Variants in GOLGA3 observed in about 807,000 individuals in gnomAD.
GOLGA3 encodes the protein golgin subfamily A member 3.
GOLGA3 carries 75 observed loss-of-function variants against 169.4 expected under a neutral mutation model. The ratio of observed to expected loss-of-function variants is 0.44; its 90% CI spans 0.37 to 0.54. The LOEUF is 0.54. Among genes scored for constraint, GOLGA3 ranks in the 20% least tolerant of loss-of-function variants. The probability of loss-of-function intolerance (pLI) is 0.00; values close to 1 mark genes in which losing one functional copy is unlikely to be tolerated. For missense variants in GOLGA3, 1,899 were observed against 1,930.0 expected, an observed-to-expected ratio of 0.98 and a Z score of 0.30; for synonymous variants, 824 against 822.4, an observed-to-expected ratio of 1.00 and a Z score of -0.03.
intron 18 of GOLGA3, among the ~76,000 whole-genome samples, chr12:132,779,652 C>T (rs1315813247): frequency 6.6e-6 from 1 of 152,174 alleles, no homozygotes; most frequent in African/African-American, 2.4e-5. Context: ...TAGAGACAAC[C>T]AGTTATTTCT....
intron 16 of GOLGA3, among the ~76,000 whole-genome samples, chr12:132,783,481 G>A (rs556227111): frequency 3.3e-5 from 5 of 152,354 alleles, no homozygotes; most frequent in African/African-American, 1.2e-4. Context: ...CTACTGTGAC[G>A]GAGCTCCACA....
Position 132,796,614 on chromosome 12 carries a change from T to C in GOLGA3, c.2025A>G (p.Glu675=), listed in dbSNP as rs761785696. 2.5e-6 allele frequency: 4 copies of C among 1,614,056 alleles called. No individual in the cohort carries two copies. In the Admixed American group the frequency reaches 6.7e-5, roughly 27 times the overall value. Residue 675 remains glutamate (E), a synonymous_variant, in exon 10 of 24, where the codon GAA becomes GAG. Transcript: ENST00000450791. The part of the protein sequence containing the change: ...MVEEDLQRRL[E]EFEGERERLQ... ...GCCGCTCCCTCTCACCTTCAAACTC[T>C]TCCAGCCTCCTCTGAAGGTCCTCCT...
At chr12:132,813,232 C>G in intron 4 of GOLGA3, 75 bp downstream of exon 4, 1 of 966,920 alleles carries the variant, frequency 1.0e-6, no homozygotes, top group Non-Finnish European at 1.7e-6. Context: ...GGCAGGTCCC[C>G]GGGTTATGTG....
Position 132,796,675 on chromosome 12 carries a change from G to A in GOLGA3, c.1964C>T (p.Ala655Val). 1 of 1,614,038 alleles carries A rather than the reference G, an allele frequency of 6.2e-7. No individual in the cohort carries two copies. The highest frequency in any genetic ancestry group is 8.5e-7 in the Non-Finnish European group (1 of 1,180,002). The part of the protein sequence containing the change: ...IEADMLDQEA[A>V]FMQIQEAKTM... ...CTTTGCCTCCTGAATCTGCATGAAG[G>A]CTGCTTCCTGATCCAACATGTCAGC... The change falls in exon 10 of 24, where the codon GCC (alanine) becomes GTC (valine). Residue 655 changes from alanine to valine, a missense_variant. Transcript: ENST00000450791.
chr12:132,805,114 G>A (rs1430775751), intron 6 of GOLGA3, 92 bp from the exon 7 acceptor site: 2 of 1,383,046 alleles, frequency 1.4e-6, no homozygotes, highest in East Asian at 2.5e-5. Flanking sequence ...AGTCAGTCAG[G>A]GCCTGACAGG....
At chr12:132,822,643 AGGCGCGGT>A (rs1486486384) in intron 1 of GOLGA3, among the ~76,000 whole-genome samples, 1 of 152,204 alleles carries the variant, frequency 6.6e-6, no homozygotes, top group Non-Finnish European at 1.5e-5. Flanking sequence ...AATTTGGGCC[AGGCGCGGT>A]GGCTCACCCC....
intron 8 of GOLGA3, among the ~76,000 whole-genome samples, chr12:132,800,094 T>C (rs1949060344): frequency 6.6e-6 from 1 of 152,224 alleles, no homozygotes; most frequent in Non-Finnish European, 1.5e-5. Context: ...AAATACCTCA[T>C]ATAAATGCAC....
At chr12:132,800,601 C>T (rs1009121750) in intron 8 of GOLGA3, among the ~76,000 whole-genome samples, 1 of 152,122 alleles carries the variant, frequency 6.6e-6, no homozygotes, top group Non-Finnish European at 1.5e-5. Context: ...ACGTTCCCCT[C>T]TTGAGAAATA....
rs757978304 is a variant in GOLGA3 at position 132,801,961 on chromosome 12, G to A, written c.1606C>T (p.Leu536=). 40 of 1,596,590 alleles carry A rather than the reference G, an allele frequency of 2.5e-5. No individual in the cohort carries two copies. In the East Asian group the frequency reaches 8.5e-4, roughly 34 times the overall value. The change falls in exon 8 of 24, where the codon CTG becomes TTG. Residue 536 remains leucine, a synonymous_variant. Transcript: ENST00000450791. ...MLSKDNTVHD[L]RQQMTALQSQ... ...TGCAAGGCTGTCATCTGCTGTCGCA[G>A]GTCGTGCACTGAAATGGGGCAAGCA...
At chr12:132,774,112 T>C in intron 23 of GOLGA3, 45 bp downstream of exon 23, 10 of 1,514,646 alleles carry the variant, frequency 6.6e-6, no homozygotes, top group Non-Finnish European at 8.9e-6. Flanking sequence ...AAGAGGGCAT[T>C]AATCTTTAAG....
chr12:132,780,351 A>G (rs2045528174), intron 18 of GOLGA3, among the ~76,000 whole-genome samples: 1 of 152,312 alleles, frequency 6.6e-6, no homozygotes, highest in Non-Finnish European at 1.5e-5. Flanking sequence ...GGGGGTCAGG[A>G]TGGGCCTCTG....
chr12:132,779,560 A>C (rs2045432869), intron 18 of GOLGA3, among the ~76,000 whole-genome samples: 1 of 152,260 alleles, frequency 6.6e-6, no homozygotes. Flanking sequence ...GAAAAGTTTG[A>C]ATTGTGAAGC....
chr12:132,816,904 T>G (rs1949983110), intron 2 of GOLGA3, 92 bp from the exon 3 acceptor site: 37 of 1,121,388 alleles, frequency 3.3e-5, no homozygotes, highest in Middle Eastern at 2.7e-4. Context: ...GAGAAGAGGA[T>G]CCAGACTCAT....
upstream of GOLGA3, chr12:132,829,007 G>A (rs956041283): frequency 6.6e-6 from 1 of 152,344 alleles, no homozygotes; most frequent in African/African-American, 2.4e-5. Context: ...ACAGGGTCCG[G>A]ATCGAGCTCA....
chr12:132,797,677 A>T (rs900598423), intron 9 of GOLGA3, among the ~76,000 whole-genome samples: 13 of 151,736 alleles, frequency 8.6e-5, no homozygotes, highest in African/African-American at 3.1e-4. Flanking sequence ...GCACCACTGC[A>T]CTCCACCCTG....
At chr12:132,794,652 A>G (rs1404617744) in intron 11 of GOLGA3, among the ~76,000 whole-genome samples, 1 of 152,276 alleles carries the variant, frequency 6.6e-6, no homozygotes, top group Non-Finnish European at 1.5e-5. Flanking sequence ...TCTCTCTCGC[A>G]GTCTTCCAGG....
intron 4 of GOLGA3, among the ~76,000 whole-genome samples, chr12:132,810,431 A>G (rs1216448616): frequency 6.6e-6 from 1 of 152,208 alleles, no homozygotes; most frequent in Non-Finnish European, 1.5e-5. Context: ...TAAAATAAGA[A>G]TAGTTATACC....
rs1024720646 is a variant in GOLGA3, at chr12:132,777,352, G to A, written c.3723-262C>T. On this transcript the variant is annotated intron_variant, in intron 19 of 23. Transcript: ENST00000450791. The surrounding 1 kb of genome is among the most constrained non-coding windows in gnomAD (Gnocchi z 4.7). Reference sequence around the variant, plus strand: ...CCCCTCACAGATCCCAGAGAGTGCCGGCCCCGAGACCACAGTGCATGGGAC... The same window carrying A: ...CCCCTCACAGATCCCAGAGAGTGCCAGCCCCGAGACCACAGTGCATGGGAC... Among the ~76,000 whole-genome samples the A allele has an allele frequency of 5.4e-4, 82 of 151,652 alleles. No individual in the cohort carries two copies. Among genetic ancestry groups the A allele is most frequent in the Admixed American group, 4.9e-3 (75 of 15,196 alleles).
intron 2 of GOLGA3, among the ~76,000 whole-genome samples, chr12:132,817,950 T>A (rs10870518): frequency 0.41 from 111 of 268 alleles, 37 homozygotes; most frequent in Admixed American, 0.79. Context: ...CACCCTCCAC[T>A]CCTCCACGCT....
Sources: gnomAD v4.1 joint callset for allele counts (sites outside exome capture counted in the v4.1 genomes callset) on GRCh38, gnomAD v4.1.1 for gene constraint, Gnocchi (gnomAD v3.1) non-coding constraint, MANE v1.5 for transcripts, NCBI Gene and HGNC (gene_info 2026-07-23, HGNC 2026-07-21) for gene names.